The following CLIP2 variants were observed in gnomAD, a reference collection of about 807,000 sequenced individuals.
The protein encoded by CLIP2 is CAP-Gly domain containing linker protein 2, also known as CAP-Gly domain-containing linker protein 2.
Under a neutral mutation model 111.7 loss-of-function variants are expected in CLIP2, and 41 were observed. That is an observed-to-expected ratio of 0.37 (90% CI 0.29 to 0.48). The LOEUF (loss-of-function observed/expected upper bound fraction) is 0.48, where lower values mean the gene tolerates loss of function less well. Ranked by LOEUF, CLIP2 falls within the 20% of genes least tolerant of loss-of-function variation. The probability of loss-of-function intolerance (pLI) is 0.99; values close to 1 mark genes in which losing one functional copy is unlikely to be tolerated. For missense variants in CLIP2, 1,160 were observed against 1,422.1 expected (o/e 0.82, Z 2.96); for synonymous variants, 660 against 644.2 (o/e 1.02, Z -0.37).
chr7:74,342,201 C>T (rs965382204), intron 3 of CLIP2, among the ~76,000 whole-genome samples: 1 of 151,866 alleles, frequency 6.6e-6, no homozygotes, highest in Non-Finnish European at 1.5e-5. Context: ...TATGTTGAAA[C>T]CCTGTCTCTA....
chr7:74,348,763 C>G (rs933629452), intron 3 of CLIP2, among the ~76,000 whole-genome samples: 122 of 142,486 alleles, frequency 8.6e-4, no homozygotes, highest in African/African-American at 3.1e-3. Context: ...GCACTCCAGC[C>G]TGGGCAACAG....
chr7:74,357,502 C>CCAGCCTCAT (rs782539637), intron 6 of CLIP2, 25 bp downstream of exon 6: 1 of 1,590,632 alleles, frequency 6.3e-7, no homozygotes, highest in East Asian at 2.3e-5. Flanking sequence ...GGGCTGGGGG[C>CCAGCCTCAT]AGAGCTTCTC....
intron 13 of CLIP2, among the ~76,000 whole-genome samples, chr7:74,394,641 T>C (rs1214811921): frequency 1.3e-5 from 2 of 152,226 alleles, no homozygotes; most frequent in Non-Finnish European, 1.5e-5. Flanking sequence ...TTTCCTTCTA[T>C]ACAGATTAGG....
At chr7:74,324,526 C>T (rs1477523971) in intron 2 of CLIP2, among the ~76,000 whole-genome samples, 2 of 152,118 alleles carry the variant, frequency 1.3e-5, no homozygotes, top group East Asian at 3.9e-4. Flanking sequence ...GGCCTCCACC[C>T]TCAAAGCTGT....
Position 74,351,153 on chromosome 7 carries a change from A to G in CLIP2, c.679-2727A>G, listed in dbSNP as rs565831063. Among the ~76,000 whole-genome samples, 54 of 146,448 alleles carry G rather than the reference A, an allele frequency of 3.7e-4. No homozygotes were observed. The East Asian group carries it at 8.4e-3, about 23-fold the overall frequency. On this transcript the variant is annotated intron_variant, in intron 3 of 16. Transcript: ENST00000223398. ...AAAGAAAGAGAGAGAGAGAGAGAGA[A>G]AGAAAGAGAATAAAATATTTTGGCC...
At chr7:74,366,875 C>CAA (rs35336151) in intron 8 of CLIP2, among the ~76,000 whole-genome samples, 188 of 65,450 alleles carry the variant, frequency 2.9e-3, no homozygotes, top group Non-Finnish European at 3.3e-3. Context: ...GACTCCTTCT[C>CAA]AAAAAAAAAA....
At chr7:74,327,018 C>T (rs782707079) in intron 2 of CLIP2, among the ~76,000 whole-genome samples, 12 of 152,172 alleles carry the variant, frequency 7.9e-5, no homozygotes, top group East Asian at 1.9e-4. Flanking sequence ...GCAACCTCCA[C>T]CTCCCGGGTT....
At chr7:74,358,360 T>A (rs1463213101) in intron 6 of CLIP2, among the ~76,000 whole-genome samples, 6 of 152,042 alleles carry the variant, frequency 3.9e-5, no homozygotes, top group African/African-American at 9.7e-5. Flanking sequence ...CCTGCTTTTT[T>A]ATTTTTTTAA....
chr7:74,332,467 T>TTTTA (rs1187778260), intron 2 of CLIP2, among the ~76,000 whole-genome samples: 1 of 146,942 alleles, frequency 6.8e-6, no homozygotes, highest in Non-Finnish European at 1.5e-5. Context: ...TCTCTTTTTT[T>TTTTA]TTTTTTTTTT....
intron 12 of CLIP2, among the ~76,000 whole-genome samples, chr7:74,388,060 TG>T (rs1441697745): frequency 6.6e-6 from 1 of 151,978 alleles, no homozygotes; most frequent in African/African-American, 2.4e-5. Context: ...CTGGGCATGG[TG>T]GCTCATGCCT....
At chr7:74,321,142 A>C (rs531051572) in intron 2 of CLIP2, among the ~76,000 whole-genome samples, 1 of 152,312 alleles carries the variant, frequency 6.6e-6, no homozygotes, top group South Asian at 2.1e-4. Context: ...TAATGGGATC[A>C]AGCGAGTTAA....
At chr7:74,394,461 G>T (rs1169829913) in intron 13 of CLIP2, among the ~76,000 whole-genome samples, 3 of 152,022 alleles carry the variant, frequency 2.0e-5, no homozygotes, top group Admixed American at 6.6e-5. Flanking sequence ...TGTTGGTCAG[G>T]CTGGTCTCAA....
chr7:74,291,847 C>T (rs1161222668), intron 1 of CLIP2, among the ~76,000 whole-genome samples: 5 of 152,132 alleles, frequency 3.3e-5, no homozygotes, highest in African/African-American at 1.2e-4. Flanking sequence ...CCTGGCAGGC[C>T]TGCCCACGTG....
chr7:74,383,997 T>A (rs781882749), intron 11 of CLIP2, among the ~76,000 whole-genome samples: 4 of 152,152 alleles, frequency 2.6e-5, no homozygotes, highest in African/African-American at 9.7e-5. Flanking sequence ...GAGACCAGCC[T>A]GGTCAAAATG....
At chr7:74,395,320 C>G (rs1791416811) in intron 13 of CLIP2, among the ~76,000 whole-genome samples, 3 of 152,144 alleles carry the variant, frequency 2.0e-5, no homozygotes, top group Middle Eastern at 6.8e-3. Flanking sequence ...CTACCACGCC[C>G]AGCTAATTTT....
At chr7:74,341,353 A>G (rs1263939143) in intron 3 of CLIP2, among the ~76,000 whole-genome samples, 1 of 149,680 alleles carries the variant, frequency 6.7e-6, no homozygotes, top group Non-Finnish European at 1.5e-5. Flanking sequence ...ACGCCCTGCT[A>G]ATTTTTTGTA....
chr7:74,401,043 T>G (rs1791605168), intron 15 of CLIP2, among the ~76,000 whole-genome samples: 2 of 133,782 alleles, frequency 1.5e-5, no homozygotes. Context: ...AGGGAAGGCA[T>G]CTCTGTCCCG....
chr7:74,343,909 AAAAG>A (rs781840569), intron 3 of CLIP2, among the ~76,000 whole-genome samples: 4 of 152,016 alleles, frequency 2.6e-5, no homozygotes, highest in African/African-American at 7.2e-5. Context: ...TCTTAAAAAA[AAAAG>A]AGAGAGAGAG....
chr7:74,360,296 C>T lies in CLIP2; in HGVS notation c.1319+18C>T, dbSNP rs782640616. On this transcript the variant is annotated intron_variant, in intron 7 of 16. Coordinates refer to ENST00000223398, the MANE Select transcript of CLIP2 (RefSeq NM_003388.5). ...GAGAGGAGGTACGTGCTGGCCCACC[C>T]TCGCCCTGGCCCTGAGTCCCCTTAA... 1.3e-6 allele frequency: 2 copies of T among 1,559,286 alleles called. No individual in the cohort carries two copies. The highest frequency in any genetic ancestry group is 1.7e-6 in the Non-Finnish European group (2 of 1,146,690).
Sources: allele counts gnomAD v4.1 joint callset (sites outside exome capture counted in the v4.1 genomes callset), GRCh38; gene constraint gnomAD v4.1.1; transcripts MANE v1.5; gene names NCBI Gene and HGNC (gene_info 2026-07-23, HGNC 2026-07-21).